The following EFCAB14 variants were observed in gnomAD, a reference collection of about 807,000 sequenced individuals.
EFCAB14 encodes the protein EF-hand calcium binding domain 14.
A neutral mutation model predicts 56.5 loss-of-function variants in EFCAB14; 43 were observed. That is an observed-to-expected ratio of 0.76 (90% CI 0.60 to 0.98). EFCAB14 has a LOEUF of 0.98. Among genes scored for constraint, EFCAB14 ranks in the 50% least tolerant of loss-of-function variants. The probability of loss-of-function intolerance (pLI) is 0.00; values close to 1 mark genes in which losing one functional copy is unlikely to be tolerated. For synonymous variants in EFCAB14, 235 were observed against 212.9 expected (o/e 1.10, Z -0.90); for missense variants, 538 against 580.3 (o/e 0.93, Z 0.75).
intron 9 of EFCAB14, 65 bp from the exon 10 acceptor site, chr1:46,683,490 G>A (rs955002137): frequency 3.7e-5 from 57 of 1,520,772 alleles, no homozygotes; most frequent in Non-Finnish European, 4.5e-5. Flanking sequence ...AACTAGTATC[G>A]AAGGTCACCT....
At chr1:46,704,674 C>T (rs1042574366) in intron 3 of EFCAB14, among the ~76,000 whole-genome samples, 19 of 151,966 alleles carry the variant, frequency 1.3e-4, no homozygotes, top group Admixed American at 8.5e-4. Context: ...TATAGCAGCC[C>T]GAATGGATTT....
chr1:46,700,467 G>A (rs1201398892), intron 3 of EFCAB14, among the ~76,000 whole-genome samples: 1 of 152,166 alleles, frequency 6.6e-6, no homozygotes, highest in Non-Finnish European at 1.5e-5. Context: ...CTTCCTAAGA[G>A]AAGCAATTAC....
chr1:46,678,526 C>T lies in EFCAB14; in HGVS notation c.1423G>A (p.Ala475Thr), dbSNP rs1676733137. The change falls in exon 11 of 11, where the codon GCA becomes ACA. Residue 475 changes from alanine (A) to threonine (T), a missense_variant. Coordinates refer to ENST00000371933, the MANE Select transcript of EFCAB14 (RefSeq NM_014774.3). ...SAMPEPESLRAFDSDGDGRYS... is the reference protein window; with the variant it reads ...SAMPEPESLRTFDSDGDGRYS... ...CTTCCATCTCCATCGGAATCAAATGCTCTCAAGCTCTCTGGTTCTGGCATA... is the reference window on the plus strand; with the variant it reads ...CTTCCATCTCCATCGGAATCAAATGTTCTCAAGCTCTCTGGTTCTGGCATA... The T allele has an allele frequency of 6.2e-7, 1 of 1,614,162 alleles. No individual in the cohort carries two copies. The highest frequency in any genetic ancestry group is 1.3e-5 in the African/African-American group (1 of 75,020).
At chr1:46,685,667 G>A (rs1216574040) in intron 8 of EFCAB14, among the ~76,000 whole-genome samples, 4 of 152,214 alleles carry the variant, frequency 2.6e-5, no homozygotes, top group Non-Finnish European at 4.4e-5. Context: ...GTAAAGCCAA[G>A]ATGAAATTTA....
intron 8 of EFCAB14, chr1:46,685,234 C>A (rs1022734388): frequency 6.6e-6 from 1 of 152,234 alleles, no homozygotes; most frequent in Admixed American, 6.5e-5. Context: ...CGCCCATACC[C>A]TGCCTCATTC....
intron 3 of EFCAB14, among the ~76,000 whole-genome samples, chr1:46,703,236 G>A (rs1289640272): frequency 2.6e-5 from 4 of 151,840 alleles, no homozygotes; most frequent in African/African-American, 9.7e-5. Flanking sequence ...TAGCCTCCCA[G>A]GTAGCTGGGA....
chr1:46,698,555 T>G (rs1677108591), intron 3 of EFCAB14, among the ~76,000 whole-genome samples: 1 of 152,130 alleles, frequency 6.6e-6, no homozygotes, highest in East Asian at 1.9e-4. Flanking sequence ...GAGATAAAAT[T>G]TAAACTGAGA....
Position 46,707,975 on chromosome 1 carries a change from A to T in EFCAB14, c.411T>A (p.Leu137=). 6.2e-7 allele frequency: 1 copy of T among 1,612,314 alleles called. No homozygotes were observed. Among genetic ancestry groups the T allele is most frequent in the African/African-American group, 1.3e-5 (1 of 74,998 alleles). ...NEELLSKQKQ[L]EKIESGEMGL... is the part of the protein sequence containing the mutation. The stretch of plus-strand genomic sequence containing the variant: ...CCATCTCTCCAGATTCAATCTTCTC[A>T]AGTTGTTTTTGCTTGCTGAGTAGTT... The change falls in exon 3 of 11, where the codon CTT becomes CTA. Residue 137 remains leucine (L), a synonymous_variant. Coordinates refer to ENST00000371933, the MANE Select transcript of EFCAB14 (RefSeq NM_014774.3).
chr1:46,678,364 G>A lies in EFCAB14; in HGVS notation c.*97C>T. ...AGGTGGCAAAGTATCTGCTACAGTA[G>A]TTTGGAGGACTAGAGGACTGATGGG... On this transcript the variant is annotated 3_prime_UTR_variant, in exon 11 of 11. Coordinates refer to ENST00000371933, the MANE Select transcript of EFCAB14 (RefSeq NM_014774.3). The A allele has an allele frequency of 1.5e-6, 2 of 1,333,272 alleles. No homozygotes were observed. The highest frequency in any genetic ancestry group is 2.6e-5 in the South Asian group (2 of 78,072). 82.6% of individuals were successfully genotyped at this position (1,333,272 alleles called of 1,614,324 possible).
chr1:46,691,797 G>T (rs1467688222), intron 5 of EFCAB14, 30 bp downstream of exon 5: 1 of 1,551,008 alleles, frequency 6.4e-7, no homozygotes, highest in African/African-American at 1.4e-5. Flanking sequence ...AGGGTGAGCA[G>T]GAGCATGCTG....
At chr1:46,700,391 T>C (rs537614166) in intron 3 of EFCAB14, among the ~76,000 whole-genome samples, 19 of 152,348 alleles carry the variant, frequency 1.2e-4, no homozygotes, top group African/African-American at 4.6e-4. Flanking sequence ...ATTGTAACTC[T>C]GTTCATTTAA....
intron 1 of EFCAB14, 73 bp from the exon 2 acceptor site, chr1:46,716,516 G>A (rs1426112892): frequency 2.5e-5 from 39 of 1,530,598 alleles, no homozygotes; most frequent in East Asian, 2.3e-5. Flanking sequence ...AATAGTACAC[G>A]TTTTGCCATG....
chr1:46,681,804 T>C (rs985267296), intron 10 of EFCAB14, among the ~76,000 whole-genome samples: 4 of 152,174 alleles, frequency 2.6e-5, no homozygotes, highest in African/African-American at 9.7e-5. Flanking sequence ...TTAAGGCCTA[T>C]GCTGAGGACT....
In EFCAB14 at chr1:46,701,449, C is replaced by G. The variant is rs193000215; in HGVS notation, c.481-4800G>C. ...GGGGACAAACACCTTCCTCCACTGACAACTGGCCAGATCCTAAAGGAAGAA... is the reference window on the plus strand; with the variant it reads ...GGGGACAAACACCTTCCTCCACTGAGAACTGGCCAGATCCTAAAGGAAGAA... On this transcript the variant is annotated intron_variant, in intron 3 of 10. Coordinates refer to ENST00000371933, the MANE Select transcript of EFCAB14 (RefSeq NM_014774.3). 2.6e-5 allele frequency among the ~76,000 whole-genome samples: 4 copies of G among 152,322 alleles called. No individual in the cohort carries two copies. In the East Asian group the frequency reaches 7.7e-4, roughly 29 times the overall value.
intron 3 of EFCAB14, among the ~76,000 whole-genome samples, chr1:46,698,077 T>C (rs1013063905): frequency 6.6e-6 from 1 of 152,158 alleles, no homozygotes; most frequent in African/African-American, 2.4e-5. Flanking sequence ...GGTCTTGAAC[T>C]CCTGGCCTTA....
chr1:46,687,492 G>C (rs1676904417), intron 7 of EFCAB14, among the ~76,000 whole-genome samples: 1 of 152,236 alleles, frequency 6.6e-6, no homozygotes, highest in Admixed American at 6.5e-5. Context: ...CACTGTGGCA[G>C]AGCCAGTTCA....
intron 8 of EFCAB14, among the ~76,000 whole-genome samples, chr1:46,685,310 A>G (rs1676862956): frequency 6.6e-6 from 1 of 152,340 alleles, no homozygotes; most frequent in Non-Finnish European, 1.5e-5. Context: ...TCTGGTTTCT[A>G]TGAGGCTCAT....
intron 2 of EFCAB14, among the ~76,000 whole-genome samples, chr1:46,713,300 A>G (rs1019644391): frequency 6.6e-6 from 1 of 152,184 alleles, no homozygotes; most frequent in African/African-American, 2.4e-5. Flanking sequence ...CTGGACTGAC[A>G]ATTCCAAATC....
intron 10 of EFCAB14, among the ~76,000 whole-genome samples, chr1:46,680,857 T>C (rs571684937): frequency 1.3e-5 from 2 of 152,392 alleles, no homozygotes; most frequent in East Asian, 3.8e-4. Flanking sequence ...TGTATCTTTT[T>C]TATTTCAATG....
Sources: allele counts gnomAD v4.1 joint callset (sites outside exome capture counted in the v4.1 genomes callset), GRCh38; gene constraint gnomAD v4.1.1; transcripts MANE v1.5; gene names NCBI Gene and HGNC (gene_info 2026-07-23, HGNC 2026-07-21).